The following PCDHGA1 variants were observed in gnomAD, a reference collection of about 807,000 sequenced individuals.
The protein encoded by PCDHGA1 is protocadherin gamma-A1.
Under a neutral mutation model 58.0 loss-of-function variants are expected in PCDHGA1, and 32 were observed. That is an observed-to-expected ratio of 0.55 (90% CI 0.42 to 0.74). The LOEUF (loss-of-function observed/expected upper bound fraction) is 0.74. Among genes scored for constraint, PCDHGA1 ranks in the 30% least tolerant of loss-of-function variants. PCDHGA1 has a pLI of 0.00. For synonymous variants in PCDHGA1, 498 were observed against 501.1 expected (o/e 0.99, Z 0.08); for missense variants, 1,205 against 1,182.3 (o/e 1.02, Z -0.28).
Position 141,370,495 on chromosome 5 carries a change from G to A in PCDHGA1, c.2421+37390G>A, listed in dbSNP as rs1766967329. The stretch of plus-strand genomic sequence containing the variant: ...GACCAGGCTCTCTCCGAACCGATCC[G>A]CTACGCTATTCCCGAGGAGCTGGAC... On this transcript the variant is annotated intron_variant, in intron 1 of 3. Transcript: ENST00000517417. The A allele has an allele frequency of 3.1e-6, 5 of 1,613,782 alleles. No individual in the cohort carries two copies. Among genetic ancestry groups the A allele is most frequent in the African/African-American group, 1.3e-5 (1 of 74,914 alleles).
At chr5:141,344,253 C>A in intron 1 of PCDHGA1, 3 of 1,614,050 alleles carry the variant, frequency 1.9e-6, no homozygotes, top group Admixed American at 1.7e-5. Flanking sequence ...TAGGACGCAG[C>A]TTTTCTCTCT....
chr5:141,413,014 A>T, intron 1 of PCDHGA1: 1 of 663,842 alleles, frequency 1.5e-6, no homozygotes, highest in Non-Finnish European at 2.4e-6. Context: ...CTTCAACTAC[A>T]CAAGCCCCAC....
chr5:141,390,182 A>G (rs771358768), intron 1 of PCDHGA1: 5 of 1,613,870 alleles, frequency 3.1e-6, no homozygotes, highest in Non-Finnish European at 1.7e-6. Flanking sequence ...ATTTCCTAAA[A>G]TGTAGTGAGC....
intron 1 of PCDHGA1, among the ~76,000 whole-genome samples, chr5:141,456,023 G>A (rs937523861): frequency 1.3e-5 from 2 of 151,586 alleles, no homozygotes; most frequent in South Asian, 2.1e-4. Context: ...TCAGCCTCCC[G>A]AGTAGCTGGG....
chr5:141,420,910 G>T, intron 1 of PCDHGA1: 1 of 311,900 alleles, frequency 3.2e-6, no homozygotes, highest in South Asian at 7.0e-5. Context: ...ACAAATACGT[G>T]TGATTCACAA....
Position 141,331,188 on chromosome 5 carries a change from G to A in PCDHGA1, c.504G>A (p.Gln168=). ...QDLDVGMNSL[Q]SYQLSSNPHF... is the part of the protein sequence containing the mutation. Reference sequence around the variant, plus strand: ...TTGATGTGGGTATGAACTCACTCCAGAGCTACCAACTCAGCTCTAACCCTC... The same window carrying A: ...TTGATGTGGGTATGAACTCACTCCAAAGCTACCAACTCAGCTCTAACCCTC... The change falls in exon 1 of 4, where the codon CAG becomes CAA. Residue 168 remains glutamine (Q), a synonymous_variant. Coordinates refer to ENST00000517417, the MANE Select transcript of PCDHGA1 (RefSeq NM_018912.3). The A allele has an allele frequency of 6.2e-7, 1 of 1,614,108 alleles. No homozygotes were observed. The highest frequency in any genetic ancestry group is 8.5e-7 in the Non-Finnish European group (1 of 1,180,046).
At position 141,370,514 on chromosome 5, in the gene PCDHGA1, G is replaced by T. The variant is rs1295709231; in HGVS notation, c.2421+37409G>T. 3 of 1,613,776 alleles carry T rather than the reference G, an allele frequency of 1.9e-6. No individual in the cohort carries two copies. The African/African-American group carries it at 4.0e-5, about 22-fold the overall frequency. On this transcript the variant is annotated intron_variant, in intron 1 of 3. Coordinates refer to ENST00000517417, the MANE Select transcript of PCDHGA1 (RefSeq NM_018912.3). ...CGATCCGCTACGCTATTCCCGAGGAGCTGGACAGGGGCTCGCTGGTAGGGA... is the reference window on the plus strand; with the variant it reads ...CGATCCGCTACGCTATTCCCGAGGATCTGGACAGGGGCTCGCTGGTAGGGA...
At chr5:141,337,713 C>A (rs1756702022) in intron 1 of PCDHGA1, among the ~76,000 whole-genome samples, 2 of 152,122 alleles carry the variant, frequency 1.3e-5, no homozygotes, top group African/African-American at 4.8e-5. Flanking sequence ...ATGGTCACAC[C>A]AGAATGTAAT....
At chr5:141,379,106 T>C (rs1181116789) in intron 1 of PCDHGA1, 3 of 152,192 alleles carry the variant, frequency 2.0e-5, no homozygotes, top group Non-Finnish European at 4.4e-5. Context: ...AAAAAAGCAA[T>C]TGAGAAGATA....
Position 141,500,251 on chromosome 5 carries a change from C to T in PCDHGA1, c.2481-5142C>T, listed in dbSNP as rs187199142. Among the ~76,000 whole-genome samples, 1,493 of 151,438 alleles carry T rather than the reference C, an allele frequency of 9.9e-3. 32 individuals are homozygous for T. Among genetic ancestry groups the T allele is most frequent in the African/African-American group, 0.035 (1,426 of 41,214 alleles). Reference sequence around the variant, plus strand: ...TGATACGTAGCCTTGCTCTGTCACCCAGGCTGGACTGCAGTGGCGCAATCT... The same window carrying T: ...TGATACGTAGCCTTGCTCTGTCACCTAGGCTGGACTGCAGTGGCGCAATCT... On this transcript the variant is annotated intron_variant, in intron 2 of 3. Coordinates refer to ENST00000517417, the MANE Select transcript of PCDHGA1 (RefSeq NM_018912.3).
intron 1 of PCDHGA1, among the ~76,000 whole-genome samples, chr5:141,467,628 CA>C (rs1301043003): frequency 6.6e-6 from 1 of 152,106 alleles, no homozygotes; most frequent in Non-Finnish European, 1.5e-5. Context: ...TTTGAGATAG[CA>C]TCTTTATCAT....
intron 1 of PCDHGA1, among the ~76,000 whole-genome samples, chr5:141,472,590 C>T (rs1161871973): frequency 6.6e-6 from 1 of 151,908 alleles, no homozygotes; most frequent in Non-Finnish European, 1.5e-5. Flanking sequence ...GTCAGAAGCT[C>T]TCTTGAAATT....
At chr5:141,397,920 T>A (rs2093586320) in intron 1 of PCDHGA1, 15 of 727,102 alleles carry the variant, frequency 2.1e-5, no homozygotes, top group Non-Finnish European at 3.3e-5. Flanking sequence ...CCAGATCTCC[T>A]CGCGCAGCCG....
chr5:141,389,442 C>T, intron 1 of PCDHGA1: 2 of 1,610,586 alleles, frequency 1.2e-6, no homozygotes, highest in Non-Finnish European at 1.7e-6. Context: ...CGCCTTCGAC[C>T]ACGAGCAGCT....
chr5:141,461,196 T>C (rs1398352067), intron 1 of PCDHGA1, among the ~76,000 whole-genome samples: 3 of 152,128 alleles, frequency 2.0e-5, no homozygotes. Context: ...TGTTTTTTGC[T>C]CTTTAGAGAA....
chr5:141,418,948 A>G (rs767664022), intron 1 of PCDHGA1: 1 of 1,614,042 alleles, frequency 6.2e-7, no homozygotes, highest in Non-Finnish European at 8.5e-7. Context: ...CCCCTCCAGG[A>G]GTGGTTGTTG....
intron 1 of PCDHGA1, chr5:141,427,712 C>A: frequency 9.5e-7 from 1 of 1,051,464 alleles, no homozygotes; most frequent in Non-Finnish European, 1.4e-6. Context: ...GCGCCTCTGA[C>A]CTGGACCTAG....
At chr5:141,366,010 T>A in intron 1 of PCDHGA1, 1 of 1,614,232 alleles carries the variant, frequency 6.2e-7, no homozygotes, top group South Asian at 1.1e-5. Context: ...ACAATACGCC[T>A]GAGATCCTGT....
At chr5:141,375,348 T>A in intron 1 of PCDHGA1, 1 of 1,613,870 alleles carries the variant, frequency 6.2e-7, no homozygotes, top group Non-Finnish European at 8.5e-7. Flanking sequence ...AACATCACTG[T>A]GACAGCCACG....
Sources: gnomAD v4.1 joint callset for allele counts (sites outside exome capture counted in the v4.1 genomes callset) on GRCh38, gnomAD v4.1.1 for gene constraint, MANE v1.5 for transcripts, NCBI Gene and HGNC (gene_info 2026-07-23, HGNC 2026-07-21) for gene names.